GRM7: variants seen among roughly 807,000 people sequenced by gnomAD.
GRM7 encodes the protein glutamate metabotropic receptor 7, also known as metabotropic glutamate receptor 7.
Under a neutral mutation model 84.5 loss-of-function variants are expected in GRM7, and 35 were observed. The observed-to-expected ratio is 0.41, with a 90% CI of 0.32 to 0.55. The LOEUF (loss-of-function observed/expected upper bound fraction) is 0.55. Among genes scored for constraint, GRM7 ranks in the 20% least tolerant of loss-of-function variants. The pLI, the probability that GRM7 is intolerant of heterozygous loss-of-function variation, is 0.19. For synonymous variants in GRM7, 487 were observed against 455.1 expected, an observed-to-expected ratio of 1.07 and a Z score of -0.89; for missense variants, 1,003 against 1,194.6, an observed-to-expected ratio of 0.84 and a Z score of 2.36.
chr3:7,682,864 G>A (rs1223169555), intron 9 of GRM7, among the ~76,000 whole-genome samples: 1 of 152,178 alleles, frequency 6.6e-6, no homozygotes, highest in Non-Finnish European at 1.5e-5. Context: ...AATGCTTTGT[G>A]TGGAATGTCC....
rs572112201 is a variant in GRM7 at position 7,131,120 on chromosome 3, C to CA, written c.520-15324dup. Among the ~76,000 whole-genome samples the CA allele has an allele frequency of 4.5e-3, 685 of 151,868 alleles. 6 individuals are homozygous for CA. The highest frequency in any genetic ancestry group is 0.016 in the African/African-American group (653 of 41,440). ...TCATCCAGGAGCTAGGAAGGACTGA[C>CA]AAAAAAAATAGGCAAATGCTCAGCT... On this transcript the variant is annotated intron_variant, in intron 1 of 9. Transcript: ENST00000357716.
At chr3:7,604,044 A>G (rs1440643018) in intron 8 of GRM7, among the ~76,000 whole-genome samples, 1 of 151,992 alleles carries the variant, frequency 6.6e-6, no homozygotes, top group Non-Finnish European at 1.5e-5. Context: ...CTTATTTTTC[A>G]TTACTGTAAA....
In GRM7 at chr3:7,151,755, A is replaced by G. The variant is rs1212702020; in HGVS notation, c.736+5087A>G. Among the ~76,000 whole-genome samples the G allele has an allele frequency of 6.6e-6, 1 of 152,142 alleles. No individual in the cohort carries two copies. Among genetic ancestry groups the G allele is most frequent in the Non-Finnish European group, 1.5e-5 (1 of 68,036 alleles). On this transcript the variant is annotated intron_variant, in intron 2 of 9. Coordinates refer to ENST00000357716, the MANE Select transcript of GRM7 (RefSeq NM_000844.4). The surrounding 1 kb of genome is among the most constrained non-coding windows in gnomAD (Gnocchi z 4.5). ...CGATATGTAATTTTGCTAGAAGGCC[A>G]TAAAATACTACATCCTAGATCTGCT...
At chr3:7,185,897 C>A (rs1449451166) in intron 2 of GRM7, among the ~76,000 whole-genome samples, 1 of 152,206 alleles carries the variant, frequency 6.6e-6, no homozygotes. Context: ...CATCCATATA[C>A]TTTACCCAGA....
chr3:7,630,034 G>C (rs892639513), intron 8 of GRM7, among the ~76,000 whole-genome samples: 3 of 152,080 alleles, frequency 2.0e-5, no homozygotes, highest in African/African-American at 7.2e-5. Context: ...GAAACGAGGT[G>C]GTATTTAAAG....
chr3:7,672,598 A>G (rs1289884599), intron 8 of GRM7, among the ~76,000 whole-genome samples: 3 of 144,064 alleles, frequency 2.1e-5, no homozygotes, highest in Non-Finnish European at 3.0e-5. Flanking sequence ...GAGTTTTAAT[A>G]TACTTTTTTT....
At chr3:7,209,066 TG>T (rs1268202570) in intron 2 of GRM7, among the ~76,000 whole-genome samples, 1 of 152,196 alleles carries the variant, frequency 6.6e-6, no homozygotes, top group Non-Finnish European at 1.5e-5. Flanking sequence ...ACTTAACACA[TG>T]TTAGTACACT....
chr3:6,873,115 G>C (rs35266312), intron 1 of GRM7, among the ~76,000 whole-genome samples: 43 of 152,066 alleles, frequency 2.8e-4, no homozygotes, highest in Admixed American at 2.7e-3. Context: ...GCTCTGTCAC[G>C]CCCTGGAGTG....
chr3:7,509,363 G>GT (rs1231459465), intron 7 of GRM7, among the ~76,000 whole-genome samples: 1 of 152,106 alleles, frequency 6.6e-6, no homozygotes. Context: ...CATACAGTTT[G>GT]AAAAAACATA....
intron 4 of GRM7, among the ~76,000 whole-genome samples, chr3:7,360,607 T>G (rs1057147864): frequency 7.9e-5 from 12 of 152,136 alleles, no homozygotes; most frequent in African/African-American, 2.4e-4. Flanking sequence ...CTGTGACCAA[T>G]AATATTCTAG....
intron 1 of GRM7, among the ~76,000 whole-genome samples, chr3:6,950,752 A>T (rs528012617): frequency 2.6e-5 from 4 of 152,302 alleles, no homozygotes; most frequent in African/African-American, 9.6e-5. Context: ...AGCCTGAGCA[A>T]TGGCAGGCGC....
intron 4 of GRM7, among the ~76,000 whole-genome samples, chr3:7,327,918 A>T (rs777813701): frequency 2.0e-5 from 3 of 152,232 alleles, no homozygotes; most frequent in Non-Finnish European, 4.4e-5. Flanking sequence ...TGTAAGTCCT[A>T]CAGAAAACTT....
intron 1 of GRM7, among the ~76,000 whole-genome samples, chr3:7,099,295 T>C (rs996167538): frequency 1.4e-5 from 2 of 147,186 alleles, no homozygotes; most frequent in East Asian, 3.9e-4. Flanking sequence ...TATACATGTA[T>C]ATATGTACAC....
At chr3:7,200,372 C>A (rs535771218) in intron 2 of GRM7, among the ~76,000 whole-genome samples, 2 of 152,262 alleles carry the variant, frequency 1.3e-5, no homozygotes, top group African/African-American at 4.8e-5. Flanking sequence ...TATGTTTTTA[C>A]TTTCATGAAA....
At chr3:7,154,958 G>A (rs1195148235) in intron 2 of GRM7, among the ~76,000 whole-genome samples, 1 of 151,956 alleles carries the variant, frequency 6.6e-6, no homozygotes, top group African/African-American at 2.4e-5. Flanking sequence ...AATTTCAGTA[G>A]GAAAATTTTA....
intron 8 of GRM7, among the ~76,000 whole-genome samples, chr3:7,588,936 C>T (rs796288411): frequency 5.3e-5 from 8 of 152,338 alleles, no homozygotes; most frequent in African/African-American, 1.9e-4. Context: ...CAGTTGTTCA[C>T]ACCTGGGAGA....
chr3:7,132,538 A>G (rs1172978872), intron 1 of GRM7, among the ~76,000 whole-genome samples: 3 of 152,200 alleles, frequency 2.0e-5, no homozygotes, highest in Admixed American at 1.3e-4. Flanking sequence ...TTTTTTTGGT[A>G]GTAGGAAACG....
intron 4 of GRM7, among the ~76,000 whole-genome samples, chr3:7,323,048 G>A (rs755120632): frequency 2.0e-5 from 3 of 152,030 alleles, no homozygotes; most frequent in Non-Finnish European, 4.4e-5. Context: ...CTGGAGTCTC[G>A]CTTCCCCCTG....
At chr3:7,432,725 A>C (rs1696882015) in intron 5 of GRM7, among the ~76,000 whole-genome samples, 2 of 152,226 alleles carry the variant, frequency 1.3e-5, no homozygotes, top group Admixed American at 1.3e-4. Flanking sequence ...GTGTTCTATC[A>C]AACGAAGGCT....
Sources: allele counts gnomAD v4.1 joint callset (sites outside exome capture counted in the v4.1 genomes callset), GRCh38; gene constraint gnomAD v4.1.1; non-coding constraint Gnocchi (gnomAD v3.1); transcripts MANE v1.5; gene names NCBI Gene and HGNC (gene_info 2026-07-23, HGNC 2026-07-21).